MAPKBP1: variants seen among roughly 807,000 people sequenced by gnomAD.
MAPKBP1 encodes mitogen-activated protein kinase-binding protein 1.
In MAPKBP1, 71 loss-of-function variants were observed where a neutral mutation model predicts 170.5. The ratio of observed to expected loss-of-function variants is 0.42; its 90% CI spans 0.34 to 0.51. The LOEUF (loss-of-function observed/expected upper bound fraction) is 0.51. MAPKBP1 is among the 20% of genes least tolerant of loss of function. The pLI is 0.06. For synonymous variants in MAPKBP1, 719 were observed against 757.9 expected (o/e 0.95, Z 0.84); for missense variants, 1,598 against 1,933.0 (o/e 0.83, Z 3.25).
chr15:41,822,401 C>G lies in MAPKBP1; in HGVS notation c.3208C>G (p.Leu1070Val). The change falls in exon 26 of 31, where the codon CTG becomes GTG. Residue 1070 changes from leucine (L) to valine (V), a missense_variant. By Grantham distance (32) the Leu-to-Val change is conservative. Coordinates refer to ENST00000457542, the MANE Select transcript of MAPKBP1 (RefSeq NM_014994.3). ...EQFLKQHFETLASGAAPGAPV... is the reference protein window; with the variant it reads ...EQFLKQHFETVASGAAPGAPV... ...GTTTCTAAAACAGCACTTTGAGACT[C>G]TGGCCAGTGGAGCTGCTCCAGGTGT... The G allele has an allele frequency of 1.2e-6, 2 of 1,614,058 alleles. No individual in the cohort carries two copies. The highest frequency in any genetic ancestry group is 8.5e-7 in the Non-Finnish European group (1 of 1,179,992).
intron 2 of MAPKBP1, among the ~76,000 whole-genome samples, chr15:41,794,863 G>A (rs1380436607): frequency 2.6e-5 from 4 of 152,172 alleles, no homozygotes; most frequent in African/African-American, 9.7e-5. Context: ...TCTGAGCTAT[G>A]AAGAAAAGTA....
intron 2 of MAPKBP1, among the ~76,000 whole-genome samples, chr15:41,783,292 A>G (rs1297757499): frequency 6.6e-6 from 1 of 152,200 alleles, no homozygotes; most frequent in African/African-American, 2.4e-5. Context: ...TTAGCATACA[A>G]CTGACCTTGT....
chr15:41,822,963 C>T lies in MAPKBP1; in HGVS notation c.3339C>T (p.Ser1113=), dbSNP rs146351506. ...GGGAACCATCCCCATCCTCCTCAAG[C>T]CTGGCACTGATGTCGAGACCAGCCC... ...PLREPSPSSS[S]LALMSRPAQV... is the part of the protein sequence containing the mutation. Residue 1113 remains serine, a synonymous_variant, in exon 28 of 31, where the codon AGC becomes AGT. Coordinates refer to ENST00000457542, the MANE Select transcript of MAPKBP1 (RefSeq NM_014994.3). 2.7e-4 allele frequency: 441 copies of T among 1,612,902 alleles called. 1 individual carries two copies. The African/African-American group carries it at 5.2e-3, about 19-fold the overall frequency.
At chr15:41,777,204 G>GGT (rs2064112863) in intron 2 of MAPKBP1, among the ~76,000 whole-genome samples, 1 of 152,106 alleles carries the variant, frequency 6.6e-6, no homozygotes, top group Non-Finnish European at 1.5e-5. Context: ...AGCCGGGCGT[G>GGT]GTGGTGCATG....
intron 2 of MAPKBP1, among the ~76,000 whole-genome samples, chr15:41,783,894 A>C (rs2064233704): frequency 6.6e-6 from 1 of 152,220 alleles, no homozygotes; most frequent in Non-Finnish European, 1.5e-5. Flanking sequence ...CTGTAGCCCC[A>C]GCTACTCAGG....
At chr15:41,803,434 A>AAAAAAAAAAG (rs58804270) in intron 3 of MAPKBP1, among the ~76,000 whole-genome samples, 2,013 of 90,508 alleles carry the variant, frequency 0.022, 455 homozygotes, top group East Asian at 0.088. Flanking sequence ...AAAAAAAAAA[A>AAAAAAAAAAG]AGGTTAAGCA....
At chr15:41,775,920 C>G (rs1411773672) in intron 2 of MAPKBP1, among the ~76,000 whole-genome samples, 2 of 152,214 alleles carry the variant, frequency 1.3e-5, no homozygotes, top group Non-Finnish European at 2.9e-5. Flanking sequence ...CTTTTGGCTT[C>G]TTAGGAATAA....
chr15:41,806,245 G>A (rs746940507), intron 3 of MAPKBP1, among the ~76,000 whole-genome samples: 42 of 152,218 alleles, frequency 2.8e-4, no homozygotes, highest in Non-Finnish European at 5.9e-4. Context: ...CAGTAGAAGC[G>A]GTAGCAGTGA....
intron 2 of MAPKBP1, among the ~76,000 whole-genome samples, chr15:41,786,777 A>AAAAAAAAAAAATATAT: frequency 3.1e-5 from 1 of 32,470 alleles, no homozygotes; most frequent in Admixed American, 3.9e-4. Context: ...AAAAAAAAAA[A>AAAAAAAAAAAATATAT]ATATATATAT....
At position 41,815,250 on chromosome 15, in the gene MAPKBP1, C is replaced by G. The variant is rs1693067836; in HGVS notation, c.1171-9C>G. ...TGGAGGTCTGATTGTGTTCCCTCGG[C>G]CTCTTCAGGTCTACCCCGAGGTGAA... On this transcript the variant is annotated splice_polypyrimidine_tract_variant and intron_variant, in intron 10 of 30. Transcript: ENST00000457542. The G allele has an allele frequency of 1.2e-6, 2 of 1,614,116 alleles. No individual in the cohort carries two copies. The highest frequency in any genetic ancestry group is 1.7e-6 in the Non-Finnish European group (2 of 1,180,010).
At chr15:41,822,477 GCCTA>G in intron 26 of MAPKBP1, 55 bp downstream of exon 26, 1 of 1,601,894 alleles carries the variant, frequency 6.2e-7, no homozygotes, top group Admixed American at 1.7e-5. Flanking sequence ...TCCCCTCCTT[GCCTA>G]CCTGAGAGGA....
intron 20 of MAPKBP1, 138 bp downstream of exon 20, chr15:41,819,095 G>A: frequency 6.8e-7 from 1 of 1,460,100 alleles, no homozygotes; most frequent in Non-Finnish European, 9.4e-7. Flanking sequence ...AAGGATCCAT[G>A]ATGTCAGCCT....
At chr15:41,816,767 G>A in intron 13 of MAPKBP1, 117 bp downstream of exon 13, 6 of 1,460,246 alleles carry the variant, frequency 4.1e-6, no homozygotes, top group Non-Finnish European at 4.7e-6. Context: ...GTCTTTGCTG[G>A]TTTAGAGGAA....
At chr15:41,819,765 G>C in intron 22 of MAPKBP1, 115 bp downstream of exon 22, 2 of 1,056,598 alleles carry the variant, frequency 1.9e-6, no homozygotes, top group Non-Finnish European at 2.7e-6. Context: ...CCCACATGCT[G>C]CACTCGTGTG....
chr15:41,794,441 T>G (rs1350370339), intron 2 of MAPKBP1, among the ~76,000 whole-genome samples: 1 of 152,200 alleles, frequency 6.6e-6, no homozygotes, highest in Non-Finnish European at 1.5e-5. Flanking sequence ...TATGCAATAT[T>G]TAAGACATAC....
intron 10 of MAPKBP1, 108 bp from the exon 11 acceptor site, chr15:41,815,151 A>G: frequency 1.5e-6 from 2 of 1,359,524 alleles, no homozygotes; most frequent in Non-Finnish European, 2.1e-6. Flanking sequence ...GCACTGGGCT[A>G]AGTCCTGGCC....
rs760450119 is a variant in MAPKBP1 at position 41,817,610 on chromosome 15, G to C, written c.1783-4G>C. 2 of 1,614,190 alleles carry C rather than the reference G, an allele frequency of 1.2e-6. No individual in the cohort carries two copies. The highest frequency in any genetic ancestry group is 1.7e-6 in the Non-Finnish European group (2 of 1,180,016). On this transcript the variant is annotated splice_region_variant and splice_polypyrimidine_tract_variant and intron_variant, in intron 15 of 30. Coordinates refer to ENST00000457542, the MANE Select transcript of MAPKBP1 (RefSeq NM_014994.3). This position sits in a 1 kb window ranked among gnomAD's most constrained non-coding sequence, Gnocchi z 4.2. ...GGGCCTGCCCACATGCTCCACCCCT[G>C]CAGTCTGGAGATGGAGTGCAGTTCA...
chr15:41,802,966 A>T (rs1281232032), intron 3 of MAPKBP1, among the ~76,000 whole-genome samples: 1 of 152,228 alleles, frequency 6.6e-6, no homozygotes, highest in Non-Finnish European at 1.5e-5. Context: ...GACTACTGTC[A>T]TACATGCCCT....
chr15:41,791,885 G>A lies in MAPKBP1; in HGVS notation c.115-7938G>A, dbSNP rs112665930. On this transcript the variant is annotated intron_variant, in intron 2 of 30. Transcript: ENST00000457542. ...AGCCTGACCAACATGGAGAAACCCC[G>A]TCTCTACTAAAAATATAAAATTAGC... 7.5e-3 allele frequency among the ~76,000 whole-genome samples: 1,145 copies of A among 151,790 alleles called. 19 individuals carry two copies. The highest frequency in any genetic ancestry group is 0.027 in the African/African-American group (1,096 of 41,286).
Sources: allele counts gnomAD v4.1 joint callset (sites outside exome capture counted in the v4.1 genomes callset), GRCh38; gene constraint gnomAD v4.1.1; non-coding constraint Gnocchi (gnomAD v3.1); transcripts MANE v1.5; gene names NCBI Gene and HGNC (gene_info 2026-07-23, HGNC 2026-07-21).